Variants in SMS observed in about 807,000 individuals in gnomAD.
SMS encodes spermidine aminopropyltransferase.
A neutral mutation model predicts 33.0 loss-of-function variants in SMS; 3 were observed. The ratio of observed to expected loss-of-function variants is 0.09; its 90% CI spans 0.04 to 0.23. SMS has a LOEUF of 0.23. Among genes scored for constraint, SMS ranks in the 10% least tolerant of loss-of-function variants. The pLI is 1.00. For missense variants in SMS, 117 were observed against 288.6 expected (o/e 0.41, Z 4.31); for synonymous variants, 103 against 112.2 (o/e 0.92, Z 0.52).
intron 1 of SMS, among the ~76,000 whole-genome samples, chrX:21,966,362 T>C (rs891731000): frequency 8.9e-6 from 1 of 112,563 alleles, no homozygotes; most frequent in African/African-American, 3.2e-5. Context: ...GAATGCCTGC[T>C]TTGTAGATAG....
rs190174209 is a variant in SMS at position 21,989,850 on chromosome X, C to T, written c.946-2747C>T. ...CTTTGCCTCCCGGGTTCAAGCACCT[C>T]TCCTGCCTCAGCCTTCCGAGTAGCT... On this transcript the variant is annotated intron_variant, in intron 9 of 10. Transcript: ENST00000404933. Among the ~76,000 whole-genome samples, 20 of 111,134 alleles carry T rather than the reference C, an allele frequency of 1.8e-4. No homozygotes were observed. The East Asian group carries it at 4.3e-3, about 24-fold the overall frequency.
intron 7 of SMS, among the ~76,000 whole-genome samples, chrX:21,979,435 G>C (rs918404987): frequency 5.5e-5 from 6 of 109,268 alleles, no homozygotes; most frequent in Admixed American, 9.9e-5. Flanking sequence ...CTTACACTTA[G>C]GAGTGAGAAC....
At chrX:21,964,021 A>G (rs193098979) in intron 1 of SMS, among the ~76,000 whole-genome samples, 254 of 110,813 alleles carry the variant, frequency 2.3e-3, no homozygotes, top group African/African-American at 7.0e-3. Flanking sequence ...GACAAACACA[A>G]ACTGAACAAG....
intron 9 of SMS, among the ~76,000 whole-genome samples, chrX:21,990,782 C>T (rs1160888849): frequency 8.9e-6 from 1 of 112,827 alleles, no homozygotes; most frequent in African/African-American, 3.2e-5. Context: ...TATAGCTTCC[C>T]CAGTGGTGAT....
chrX:21,982,978 A>G (rs190809836), intron 7 of SMS, among the ~76,000 whole-genome samples: 4 of 112,295 alleles, frequency 3.6e-5, no homozygotes, highest in East Asian at 2.8e-4. Context: ...CTGTGAGGCT[A>G]TAAGAAGAAT....
chrX:21,963,093 T>G (rs1923470717), intron 1 of SMS, among the ~76,000 whole-genome samples: 1 of 112,308 alleles, frequency 8.9e-6, no homozygotes, highest in Non-Finnish European at 1.9e-5. Flanking sequence ...CAAACATTTA[T>G]TGAGCACCTG....
At chrX:21,942,841 T>C (rs1921915327) in intron 1 of SMS, among the ~76,000 whole-genome samples, 1 of 105,281 alleles carries the variant, frequency 9.5e-6, no homozygotes, top group South Asian at 4.3e-4. Flanking sequence ...TTTTTTTTTT[T>C]TTTTTTTTTT....
intron 7 of SMS, 103 bp from the exon 8 acceptor site, chrX:21,984,191 GCTGTGGATAT>G (rs1230010119): frequency 1.8e-6 from 1 of 571,230 alleles, no homozygotes; most frequent in African/African-American, 2.2e-5. Context: ...GCTGTGGATA[GCTGTGGATAT>G]AAGCCCATAC....
chrX:21,957,325 C>A (rs1923038336), intron 1 of SMS, among the ~76,000 whole-genome samples: 1 of 110,067 alleles, frequency 9.1e-6, no homozygotes, highest in African/African-American at 3.3e-5. Context: ...GAGACAGAAT[C>A]TCTTTATGTC....
intron 2 of SMS, among the ~76,000 whole-genome samples, chrX:21,970,577 A>AT (rs1456349447): frequency 1.8e-5 from 2 of 108,681 alleles, no homozygotes; most frequent in South Asian, 4.1e-4. Flanking sequence ...TTTATTTTAA[A>AT]TTTTTTATAG....
chrX:21,959,170 G>A (rs1249038873), intron 1 of SMS, among the ~76,000 whole-genome samples: 4 of 112,589 alleles, frequency 3.6e-5, no homozygotes, highest in Non-Finnish European at 5.6e-5. Context: ...AGTAAGGCAT[G>A]CCAAAGGACC....
chrX:21,942,296 C>G (rs996606119), intron 1 of SMS, among the ~76,000 whole-genome samples: 5 of 111,408 alleles, frequency 4.5e-5, no homozygotes, highest in Non-Finnish European at 9.4e-5. Flanking sequence ...GGCACAAGAT[C>G]TAGTGAAGAC....
At chrX:21,971,484 G>T (rs1924154749) in intron 2 of SMS, among the ~76,000 whole-genome samples, 1 of 111,852 alleles carries the variant, frequency 8.9e-6, no homozygotes, top group Admixed American at 9.4e-5. Context: ...CCACCAGCCT[G>T]CAGTTAGGAA....
intron 1 of SMS, among the ~76,000 whole-genome samples, chrX:21,958,394 G>C (rs1602190551): frequency 8.9e-6 from 1 of 112,463 alleles, no homozygotes; most frequent in African/African-American, 3.2e-5. Context: ...CAACCTTGCC[G>C]TAAGTGGGAT....
At chrX:21,961,872 ACTT>A (rs1216151276) in intron 1 of SMS, among the ~76,000 whole-genome samples, 3 of 112,105 alleles carry the variant, frequency 2.7e-5, no homozygotes, top group Non-Finnish European at 5.6e-5. Flanking sequence ...TTTTCAGAGA[ACTT>A]CTGCCAAAGA....
At chrX:21,976,963 C>G in intron 4 of SMS, 98 bp from the exon 5 acceptor site, 1 of 806,860 alleles carries the variant, frequency 1.2e-6, no homozygotes, top group Non-Finnish European at 1.9e-6. Context: ...TGTCAAAAGT[C>G]GGCAGTCATG....
At chrX:21,982,987 A>G (rs1169368995) in intron 7 of SMS, among the ~76,000 whole-genome samples, 6 of 112,084 alleles carry the variant, frequency 5.4e-5, no homozygotes, top group Non-Finnish European at 9.4e-5. Context: ...TATAAGAAGA[A>G]TGATGAGAAA....
intron 4 of SMS, among the ~76,000 whole-genome samples, chrX:21,973,263 C>G (rs774925630): frequency 4.5e-5 from 5 of 112,211 alleles, no homozygotes; most frequent in Non-Finnish European, 7.5e-5. Context: ...TGGGTGAAAC[C>G]CCGTCTCTAC....
intron 9 of SMS, among the ~76,000 whole-genome samples, chrX:21,990,003 A>G (rs1925651696): frequency 9.0e-6 from 1 of 111,483 alleles, no homozygotes; most frequent in Admixed American, 9.5e-5. Flanking sequence ...TCTGCCTCCA[A>G]AGTGTTAGCA....
Sources: allele counts gnomAD v4.1 joint callset (sites outside exome capture counted in the v4.1 genomes callset), GRCh38; gene constraint gnomAD v4.1.1; transcripts MANE v1.5; gene names NCBI Gene and HGNC (gene_info 2026-07-23, HGNC 2026-07-21).